LPO: variants seen among roughly 807,000 people sequenced by gnomAD.
LPO encodes the protein salivary peroxidase.
In LPO, 70 loss-of-function variants were observed where a neutral mutation model predicts 68.4. The ratio of observed to expected loss-of-function variants is 1.02; its 90% CI spans 0.84 to 1.25. LPO has a LOEUF of 1.25. Among genes scored for constraint, LPO ranks in the 50% most tolerant of loss-of-function variants. The pLI is 0.00. For missense variants in LPO, 873 were observed against 908.4 expected, an observed-to-expected ratio of 0.96 and a Z score of 0.50; for synonymous variants, 360 against 357.6, an observed-to-expected ratio of 1.01 and a Z score of -0.08.
At chr17:58,243,918 G>A (rs943875899) in intron 2 of LPO, 76 bp from the exon 3 acceptor site, 1 of 965,294 alleles carries the variant, frequency 1.0e-6, no homozygotes, top group African/African-American at 1.6e-5. Flanking sequence ...CCGAGAAAGA[G>A]GGAGACAAAA....
At chr17:58,241,817 A>G (rs1485600092) in intron 1 of LPO, among the ~76,000 whole-genome samples, 1 of 152,220 alleles carries the variant, frequency 6.6e-6, no homozygotes, top group Non-Finnish European at 1.5e-5. Context: ...AAGGAGGCTG[A>G]AATGACCTGA....
intron 9 of LPO, 34 bp from the exon 10 acceptor site, chr17:58,264,687 TA>T (rs761047514): frequency 6.2e-7 from 1 of 1,611,520 alleles, no homozygotes; most frequent in East Asian, 2.2e-5. Context: ...TAAACCTTCT[TA>T]CACCCTTTCC....
chr17:58,267,699 G>T (rs1053177047), intron 12 of LPO, 88 bp from the exon 13 acceptor site: 209 of 1,469,898 alleles, frequency 1.4e-4, no homozygotes, highest in Non-Finnish European at 1.9e-4. Flanking sequence ...GGCTTTTCAT[G>T]GTCCCTGTGA....
At position 58,262,924 on chromosome 17, in the gene LPO, A is replaced by T. The variant is rs542014352; in HGVS notation, c.1267-1798A>T. Reference sequence around the variant, plus strand: ...TTTATTCAAATCCTTTTTCAGTTTCACCCCCTTTCTCCTCTGTTTCTGGAA... The same window carrying T: ...TTTATTCAAATCCTTTTTCAGTTTCTCCCCCTTTCTCCTCTGTTTCTGGAA... On this transcript the variant is annotated intron_variant, in intron 9 of 12. Transcript: ENST00000262290. 3.0e-4 allele frequency among the ~76,000 whole-genome samples: 45 copies of T among 152,016 alleles called. No individual in the cohort carries two copies. In the South Asian group the frequency reaches 6.4e-3, roughly 22 times the overall value.
In LPO at chr17:58,266,268, C is replaced by T; in HGVS notation, c.1635C>T (p.Ile545=). ...RNKLFQPTHR[I]HGFDLAAINT... ...AGCTTTTCCAGCCAACTCACAGGAT[C>T]CATGGCTTTGACCTGGCTGCCATCA... Residue 545 remains isoleucine, a synonymous_variant, in exon 11 of 13, where the codon ATC becomes ATT. Transcript: ENST00000262290. 1 of 1,614,180 alleles carries T rather than the reference C, an allele frequency of 6.2e-7. No homozygotes were observed. Among genetic ancestry groups the T allele is most frequent in the Non-Finnish European group, 8.5e-7 (1 of 1,180,034 alleles).
rs1237554595 is a variant in LPO at position 58,264,990 on chromosome 17, G to A, written c.1519+16G>A. The A allele has an allele frequency of 6.2e-7, 1 of 1,612,546 alleles. No individual in the cohort carries two copies. The highest frequency in any genetic ancestry group is 1.1e-5 in the South Asian group (1 of 91,068). ...GTCAAAGATGGTATGCCCTTTCAGG[G>A]AAGTGCTGTCACCTGGGTCTCCCAC... On this transcript the variant is annotated intron_variant, in intron 10 of 12. Coordinates refer to ENST00000262290, the MANE Select transcript of LPO (RefSeq NM_006151.3).
chr17:58,255,357 C>T (rs563743449), intron 9 of LPO, among the ~76,000 whole-genome samples: 1 of 152,248 alleles, frequency 6.6e-6, no homozygotes, highest in African/African-American at 2.4e-5. Flanking sequence ...ATCTCATGGG[C>T]ATACTCAGCG....
In LPO at chr17:58,252,216, G is replaced by A; in HGVS notation, c.815G>A (p.Gly272Glu). The A allele has an allele frequency of 6.2e-7, 1 of 1,614,094 alleles. No individual in the cohort carries two copies. The highest frequency in any genetic ancestry group is 8.5e-7 in the Non-Finnish European group (1 of 1,179,996). Reference protein sequence around the residue: ...PPNDPKAGTQGKCMPFFRAGF... With the variant: ...PPNDPKAGTQEKCMPFFRAGF... ...AATGACCCCAAGGCGGGGACTCAAG[G>A]GAAATGCATGCCTTTCTTCCGAGCT... Residue 272 changes from glycine (G) to glutamate (E), a missense_variant, in exon 8 of 13, where the codon GGG becomes GAG. Transcript: ENST00000262290.
At chr17:58,257,883 TC>T (rs1321687136) in intron 9 of LPO, among the ~76,000 whole-genome samples, 1 of 152,236 alleles carries the variant, frequency 6.6e-6, no homozygotes, top group African/African-American at 2.4e-5. Context: ...TCTCTGATGA[TC>T]AATGATGTTG....
At chr17:58,250,047 A>C (rs1385627361) in intron 6 of LPO, among the ~76,000 whole-genome samples, 1 of 152,034 alleles carries the variant, frequency 6.6e-6, no homozygotes, top group South Asian at 2.1e-4. Flanking sequence ...GGCAGCCCCT[A>C]CCCAGAGCCC....
At chr17:58,262,391 T>C (rs1171407352) in intron 9 of LPO, among the ~76,000 whole-genome samples, 1 of 152,176 alleles carries the variant, frequency 6.6e-6, no homozygotes, top group African/African-American at 2.4e-5. Flanking sequence ...TTTGTTTGTT[T>C]ATTTCTTTGT....
At chr17:58,249,207 C>T in intron 5 of LPO, 30 bp downstream of exon 5, 1 of 1,572,302 alleles carries the variant, frequency 6.4e-7, no homozygotes, top group Non-Finnish European at 8.7e-7. Context: ...GGGGGCCGAC[C>T]ATTCCAGCCA....
At chr17:58,249,937 C>G (rs1969927305) in intron 6 of LPO, among the ~76,000 whole-genome samples, 1 of 152,186 alleles carries the variant, frequency 6.6e-6, no homozygotes, top group Admixed American at 6.5e-5. Flanking sequence ...GGGCAGATGG[C>G]CTCCCTGCCC....
chr17:58,252,548 A>T (rs1969982273), intron 8 of LPO, 42 bp downstream of exon 8: 1 of 1,571,846 alleles, frequency 6.4e-7, no homozygotes, highest in South Asian at 1.1e-5. Context: ...GGACAAGGGG[A>T]TTATCCAGGG....
intron 9 of LPO, among the ~76,000 whole-genome samples, 184 bp downstream of exon 9, chr17:58,255,155 C>G (rs1357583751): frequency 6.6e-6 from 1 of 152,188 alleles, no homozygotes; most frequent in Non-Finnish European, 1.5e-5. Flanking sequence ...ATTTCTTCAG[C>G]TTCTCTGTCT....
chr17:58,263,208 A>G (rs1045856844), intron 9 of LPO, among the ~76,000 whole-genome samples: 2 of 152,268 alleles, frequency 1.3e-5, no homozygotes, highest in South Asian at 2.1e-4. Context: ...CTTCTTTGCT[A>G]TGATACTGTA....
intron 9 of LPO, 57 bp downstream of exon 9, chr17:58,255,028 T>C: frequency 6.3e-7 from 1 of 1,577,330 alleles, no homozygotes; most frequent in African/African-American, 1.3e-5. Flanking sequence ...CTCCTGGCTC[T>C]GCCCTCTGCT....
At position 58,266,161 on chromosome 17, in the gene LPO, G is replaced by T. The variant is rs775341179; in HGVS notation, c.1528G>T (p.Asp510Tyr). The T allele has an allele frequency of 4.7e-5, 76 of 1,613,930 alleles. No individual in the cohort carries two copies. Among genetic ancestry groups the T allele is most frequent in the Non-Finnish European group, 6.4e-5 (75 of 1,179,908 alleles). ...TWRMVKDGGI[D>Y]PLVRGLLAKK... ...TGGGTCTCCCTTGGCAGGTGGAATT[G>T]ATCCTCTGGTGCGGGGCCTGCTGGC... Residue 510 changes from aspartate (D) to tyrosine (Y), a missense_variant, in exon 11 of 13, where the codon GAT (aspartate) becomes TAT (tyrosine). Asp to Tyr is a radical substitution (Grantham distance 160). Coordinates refer to ENST00000262290, the MANE Select transcript of LPO (RefSeq NM_006151.3).
In LPO at chr17:58,252,249, T is replaced by A; in HGVS notation, c.848T>A (p.Val283Asp). 2 of 1,614,170 alleles carry A rather than the reference T, an allele frequency of 1.2e-6. No homozygotes were observed. The highest frequency in any genetic ancestry group is 8.5e-7 in the Non-Finnish European group (1 of 1,180,022). Residue 283 changes from valine (V) to aspartate (D), a missense_variant, in exon 8 of 13, where the codon GTC becomes GAC. Transcript: ENST00000262290. The stretch of plus-strand genomic sequence containing the variant: ...ATGCCTTTCTTCCGAGCTGGGTTCG[T>A]CTGCCCCACTCCACCCTACAAGTCC... ...KCMPFFRAGF[V>D]CPTPPYKSLA...
Sources: gnomAD v4.1 joint callset for allele counts (sites outside exome capture counted in the v4.1 genomes callset) on GRCh38, gnomAD v4.1.1 for gene constraint, MANE v1.5 for transcripts, NCBI Gene and HGNC (gene_info 2026-07-23, HGNC 2026-07-21) for gene names.